PCDH15: variants seen among roughly 807,000 people sequenced by gnomAD.
PCDH15 encodes the protein protocadherin-15.
In PCDH15, 129 loss-of-function variants were observed where a neutral mutation model predicts 178.5. The ratio of observed to expected loss-of-function variants is 0.72; its 90% CI spans 0.63 to 0.84. The LOEUF is 0.84. Ranked by LOEUF, PCDH15 falls within the 40% of genes least tolerant of loss-of-function variation. PCDH15 has a pLI of 0.00. For missense variants in PCDH15, 2,230 were observed against 2,099.9 expected (o/e 1.06, Z -1.21); for synonymous variants, 800 against 732.0 (o/e 1.09, Z -1.50).
At chr10:55,322,122 C>T (rs1843916903), upstream of PCDH15, among the ~76,000 whole-genome samples, 1 of 152,056 alleles carries the variant, frequency 6.6e-6, no homozygotes, top group Non-Finnish European at 1.5e-5. Context: ...GAGGGGTATC[C>T]CCCACACTGT....
intron 33 of PCDH15, among the ~76,000 whole-genome samples, chr10:53,819,123 A>G (rs545969108): frequency 1.3e-5 from 2 of 152,176 alleles, no homozygotes; most frequent in South Asian, 2.1e-4. Context: ...GAAATTGTAG[A>G]CATTTTCAAC....
intron 3 of PCDH15, among the ~76,000 whole-genome samples, chr10:54,422,426 T>C (rs1955655901): frequency 6.6e-6 from 1 of 152,076 alleles, no homozygotes; most frequent in Non-Finnish European, 1.5e-5. Flanking sequence ...GTCAATAAAA[T>C]ATTGTTTACT....
chr10:53,973,817 A>G (rs2134481913), intron 21 of PCDH15, among the ~76,000 whole-genome samples: 1 of 152,336 alleles, frequency 6.6e-6, no homozygotes, highest in East Asian at 1.9e-4. Context: ...TTCAACAAAT[A>G]CTTAGATATG....
chr10:54,061,974 C>A (rs2094024569), intron 18 of PCDH15, among the ~76,000 whole-genome samples: 1 of 151,952 alleles, frequency 6.6e-6, no homozygotes, highest in South Asian at 2.1e-4. Flanking sequence ...CCTGTAATCC[C>A]AGCACTTTGG....
intron 2 of PCDH15, among the ~76,000 whole-genome samples, chr10:55,624,891 A>G (rs1837490938): frequency 6.6e-6 from 1 of 152,150 alleles, no homozygotes. Context: ...TATTAATGGA[A>G]ATGAAGAAAT....
At chr10:54,505,102 C>T (rs2081056043) in intron 3 of PCDH15, among the ~76,000 whole-genome samples, 1 of 152,014 alleles carries the variant, frequency 6.6e-6, no homozygotes, top group African/African-American at 2.4e-5. Flanking sequence ...CTTATAGTGA[C>T]TGTACCCAAA....
chr10:55,405,281 C>CATATATATATATATATATATATATAT (rs1838169202), intron 2 of PCDH15, among the ~76,000 whole-genome samples: 2 of 64,758 alleles, frequency 3.1e-5, no homozygotes, highest in Non-Finnish European at 6.9e-5. Context: ...TGTGAGGTAA[C>CATATATATATATATATATATATATAT]AGATATATAT....
intron 3 of PCDH15, among the ~76,000 whole-genome samples, chr10:54,866,339 C>T (rs560907549): frequency 2.0e-5 from 3 of 152,004 alleles, no homozygotes; most frequent in South Asian, 4.1e-4. Context: ...TAAATATGGC[C>T]CATTTTTGGA....
At chr10:54,779,715 G>T (rs1042370692) in intron 1 of PCDH15, among the ~76,000 whole-genome samples, 1 of 151,410 alleles carries the variant, frequency 6.6e-6, no homozygotes, top group Non-Finnish European at 1.5e-5. Context: ...TTTGAACTGT[G>T]AGTACAATGA....
intron 2 of PCDH15, among the ~76,000 whole-genome samples, chr10:55,369,065 T>C (rs1309788284): frequency 6.8e-6 from 1 of 146,442 alleles, no homozygotes; most frequent in Non-Finnish European, 1.5e-5. Context: ...ATGATCATAG[T>C]CAGAAGGTCA....
At chr10:54,419,151 T>C in intron 3 of PCDH15, among the ~76,000 whole-genome samples, 1 of 151,966 alleles carries the variant, frequency 6.6e-6, no homozygotes, top group East Asian at 1.9e-4. Flanking sequence ...TAGAATGCCA[T>C]TAAATAAACA....
At chr10:55,061,725 T>C (rs371616123) in intron 2 of PCDH15, among the ~76,000 whole-genome samples, 3 of 152,098 alleles carry the variant, frequency 2.0e-5, no homozygotes, top group African/African-American at 7.2e-5. Context: ...GGCACTAAAA[T>C]GAAATTAGCT....
intron 2 of PCDH15, among the ~76,000 whole-genome samples, chr10:54,964,084 T>C (rs923799841): frequency 5.9e-5 from 9 of 152,342 alleles, no homozygotes; most frequent in Middle Eastern, 3.4e-3. Context: ...AGGCGTCTTG[T>C]GTCTCATTGT....
intron 2 of PCDH15, among the ~76,000 whole-genome samples, chr10:55,090,694 G>T (rs778201551): frequency 6.6e-6 from 1 of 151,900 alleles, no homozygotes; most frequent in Non-Finnish European, 1.5e-5. Context: ...CAACAAACAC[G>T]CAATGTGAGA....
intron 2 of PCDH15, among the ~76,000 whole-genome samples, chr10:55,344,104 C>A (rs1565035285): frequency 6.6e-6 from 1 of 151,824 alleles, no homozygotes; most frequent in African/African-American, 2.4e-5. Flanking sequence ...GGCAGAAAAG[C>A]CTTACAGGAA....
chr10:55,002,281 C>T (rs1323934579), intron 2 of PCDH15, among the ~76,000 whole-genome samples: 1 of 152,094 alleles, frequency 6.6e-6, no homozygotes, highest in Non-Finnish European at 1.5e-5. Flanking sequence ...CTTCCTTTGT[C>T]CTTGTTTTGC....
chr10:55,007,259 A>G (rs542951569), intron 2 of PCDH15, among the ~76,000 whole-genome samples: 31 of 152,354 alleles, frequency 2.0e-4, no homozygotes, highest in African/African-American at 6.5e-4. Flanking sequence ...TACTGATACT[A>G]AAACCAATTT....
intron 9 of PCDH15, among the ~76,000 whole-genome samples, chr10:54,218,774 AAT>A (rs2052392666): frequency 1.3e-5 from 2 of 152,306 alleles, no homozygotes; most frequent in South Asian, 2.1e-4. Flanking sequence ...AAACAAACAA[AAT>A]ATGTTATTTG....
At position 55,181,875 on chromosome 10, in the gene PCDH15, C is replaced by T. The variant is rs577324521; in HGVS notation, c.-155-15224G>A. Among the ~76,000 whole-genome samples, 34 of 151,994 alleles carry T rather than the reference C, an allele frequency of 2.2e-4. No homozygotes were observed. In the South Asian group the frequency reaches 6.8e-3, roughly 31 times the overall value. On this transcript the variant is annotated intron_variant, in intron 1 of 5. Transcript: ENST00000458638. ...TATAAATTTAAAATGTTAGATGTCT[C>T]AGAAGAAAATTTGGGGAATACTGTT...
Sources: allele counts gnomAD v4.1 joint callset (sites outside exome capture counted in the v4.1 genomes callset), GRCh38; gene constraint gnomAD v4.1.1; transcripts MANE v1.5; gene names NCBI Gene and HGNC (gene_info 2026-07-23, HGNC 2026-07-21).